Variants in TRANK1 observed in about 807,000 individuals in gnomAD.
TRANK1 encodes TPR and ankyrin repeat-containing protein 1.
Under a neutral mutation model 266.0 loss-of-function variants are expected in TRANK1, and 198 were observed. That is an observed-to-expected ratio of 0.74 (90% CI 0.66 to 0.84). TRANK1 has a LOEUF of 0.84. Ranked by LOEUF, TRANK1 falls within the 40% of genes least tolerant of loss-of-function variation. TRANK1 has a pLI of 0.00. For synonymous variants in TRANK1, 1,396 were observed against 1,384.1 expected (o/e 1.01, Z -0.19); for missense variants, 3,326 against 3,634.6 (o/e 0.92, Z 2.18).
At position 36,904,537 on chromosome 3, in the gene TRANK1, A is replaced by G. The variant is rs1369898373; in HGVS notation, c.156-1262T>C. Among the ~76,000 whole-genome samples the G allele has an allele frequency of 2.0e-5, 3 of 150,544 alleles. No individual in the cohort carries two copies. The East Asian group carries it at 6.0e-4, about 30-fold the overall frequency. ...CCGTCTCAAAAAAAGAAAAAAAAAA[A>G]TCTTAATCGTAAAAATAATACAAAT... On this transcript the variant is annotated intron_variant, in intron 2 of 23. Transcript: ENST00000645898.
chr3:36,889,033 G>A (rs1433655852), intron 8 of TRANK1, among the ~76,000 whole-genome samples: 2 of 152,134 alleles, frequency 1.3e-5, no homozygotes, highest in African/African-American at 4.8e-5. Context: ...GCGACAGAGT[G>A]AGACTCCATC....
At chr3:36,922,553 C>T (rs189492753) in intron 1 of TRANK1, among the ~76,000 whole-genome samples, 397 of 152,054 alleles carry the variant, frequency 2.6e-3, no homozygotes, top group African/African-American at 3.9e-3. Context: ...TGCAGTGAGC[C>T]GAGATCATGC....
At chr3:36,836,976 A>G (rs2078778590) in intron 20 of TRANK1, among the ~76,000 whole-genome samples, 1 of 152,198 alleles carries the variant, frequency 6.6e-6, no homozygotes, top group African/African-American at 2.4e-5. Context: ...AACAAAGCCC[A>G]GTCCTTGCCA....
intron 18 of TRANK1, among the ~76,000 whole-genome samples, chr3:36,842,291 T>C (rs186785329): frequency 6.6e-6 from 1 of 152,330 alleles, no homozygotes; most frequent in East Asian, 1.9e-4. Context: ...AAATGCAGTA[T>C]GATGATAGCA....
rs2078690359 is a variant in TRANK1, at chr3:36,831,329, T to C, written c.8254A>G (p.Arg2752Gly). The stretch of plus-strand genomic sequence containing the variant: ...TTGAAGTTCCCAGCCCTGGGCTCCC[T>C]GGCCTCCTCCCTGACACGCTCCATC... ...TQMERVREEA[R>G]EPRAGNFKKA... The change falls in exon 22 of 24, where the codon AGG becomes GGG. Residue 2752 changes from arginine to glycine, a missense_variant. Arg to Gly is a moderately radical substitution (Grantham distance 125). Coordinates refer to ENST00000645898, the MANE Select transcript of TRANK1 (RefSeq NM_001329998.2). This position sits in a 1 kb window ranked among gnomAD's most constrained non-coding sequence, Gnocchi z 5.0. 1 of 1,613,540 alleles carries C rather than the reference T, an allele frequency of 6.2e-7. No individual in the cohort carries two copies. The highest frequency in any genetic ancestry group is 1.7e-5 in the Admixed American group (1 of 59,968).
chr3:36,850,580 G>A, intron 15 of TRANK1: 1 of 821,506 alleles, frequency 1.2e-6, no homozygotes, highest in Non-Finnish European at 1.5e-6. Context: ...ACCAGCCTGG[G>A]CAACACAGCA....
Position 36,944,869 on chromosome 3 carries a change from G to T in TRANK1, c.-60C>A. ...CCGCCTGGGGAAGCGCTTCCCTGTG[G>T]GCAGGGCGCGGCGGGCAGTGCGGAA... On this transcript the variant is annotated 5_prime_UTR_variant, in exon 1 of 24. Coordinates refer to ENST00000645898, the MANE Select transcript of TRANK1 (RefSeq NM_001329998.2). 1 of 1,392,098 alleles carries T rather than the reference G, an allele frequency of 7.2e-7. No individual in the cohort carries two copies. The highest frequency in any genetic ancestry group is 9.3e-7 in the Non-Finnish European group (1 of 1,076,778). The allele number at this position is 1,392,098 out of a possible 1,614,324, so 86.2% of individuals were successfully genotyped here.
intron 8 of TRANK1, among the ~76,000 whole-genome samples, chr3:36,882,126 G>C (rs1247927609): frequency 6.6e-6 from 1 of 152,120 alleles, no homozygotes; most frequent in East Asian, 1.9e-4. Context: ...TTGGTCTTCT[G>C]GTAACTGTTT....
chr3:36,863,926 T>C (rs1394180591), intron 10 of TRANK1, among the ~76,000 whole-genome samples: 1 of 152,266 alleles, frequency 6.6e-6, no homozygotes, highest in Non-Finnish European at 1.5e-5. Flanking sequence ...ATTTTTGTCA[T>C]CTAAAGTTCT....
At chr3:36,911,695 T>C (rs1458422309) in intron 1 of TRANK1, among the ~76,000 whole-genome samples, 1 of 152,218 alleles carries the variant, frequency 6.6e-6, no homozygotes. Flanking sequence ...GAATGCTTTA[T>C]ATCTCTACAA....
At chr3:36,882,759 C>A (rs966191208) in intron 8 of TRANK1, among the ~76,000 whole-genome samples, 1 of 151,768 alleles carries the variant, frequency 6.6e-6, no homozygotes, top group Admixed American at 6.6e-5. Context: ...AGCTAATGAG[C>A]GAAGAATTCT....
chr3:36,908,891 A>G (rs184513347), intron 1 of TRANK1, among the ~76,000 whole-genome samples: 2 of 152,336 alleles, frequency 1.3e-5, no homozygotes, highest in Non-Finnish European at 2.9e-5. Flanking sequence ...AAATCTGCTG[A>G]TGGCATTTCC....
At position 36,831,132 on chromosome 3, in the gene TRANK1, A is replaced by C; in HGVS notation, c.8451T>G (p.Ser2817=). ...REECQERNSE[S]YEQHIHLEHH... ...GTTCTAGATGGATATGCTGCTCGTA[A>C]GACTCGCTGTTCCTCTCCTGACACT... The change falls in exon 22 of 24, where the codon TCT becomes TCG. Residue 2817 remains serine, a synonymous_variant. Coordinates refer to ENST00000645898, the MANE Select transcript of TRANK1 (RefSeq NM_001329998.2). This position sits in a 1 kb window ranked among gnomAD's most constrained non-coding sequence, Gnocchi z 5.0. 1 of 1,613,958 alleles carries C rather than the reference A, an allele frequency of 6.2e-7. No homozygotes were observed. Among genetic ancestry groups the C allele is most frequent in the Non-Finnish European group, 8.5e-7 (1 of 1,179,872 alleles).
intron 22 of TRANK1, among the ~76,000 whole-genome samples, chr3:36,830,247 G>A (rs758657478): frequency 5.3e-5 from 8 of 151,828 alleles, no homozygotes; most frequent in East Asian, 1.9e-4. Flanking sequence ...CCCAGGAAGC[G>A]GAGATTGCAG....
chr3:36,872,824 G>T (rs1477190477), intron 9 of TRANK1, among the ~76,000 whole-genome samples: 1 of 152,132 alleles, frequency 6.6e-6, no homozygotes, highest in African/African-American at 2.4e-5. Flanking sequence ...TAAGAAAACA[G>T]AATGCAAGGG....
At position 36,831,639 on chromosome 3, in the gene TRANK1, C is replaced by T. The variant is rs1039764733; in HGVS notation, c.7944G>A (p.Trp2648Ter). ...RDEEYLMDCD[W>*]RWDPVHTKGS... ...CTTTGGTGTGCACAGGGTCCCACCG[C>T]CAGTCACAGTCCATTAGGTACTCTT... Residue 2648 changes from tryptophan to a stop codon, truncating the protein, a stop_gained, in exon 22 of 24, where the codon TGG (tryptophan) becomes TGA (stop). Coordinates refer to ENST00000645898, the MANE Select transcript of TRANK1 (RefSeq NM_001329998.2). LOFTEE classifies it high-confidence loss of function. This position sits in a 1 kb window ranked among gnomAD's most constrained non-coding sequence, Gnocchi z 5.0. 1.9e-6 allele frequency: 3 copies of T among 1,613,940 alleles called. No homozygotes were observed. The highest frequency in any genetic ancestry group is 1.7e-6 in the Non-Finnish European group (2 of 1,179,856).
rs1427032723 is a variant in TRANK1 at position 36,944,952 on chromosome 3, G to A, written c.-143C>T. ...GGCGCGATGCAGAGGCGGCGTTCGGGGGCCCCCAGCTGCCTGCGGCTCGGC... is the reference window on the plus strand; with the variant it reads ...GGCGCGATGCAGAGGCGGCGTTCGGAGGCCCCCAGCTGCCTGCGGCTCGGC... On this transcript the variant is annotated 5_prime_UTR_variant, in exon 1 of 24. Coordinates refer to ENST00000645898, the MANE Select transcript of TRANK1 (RefSeq NM_001329998.2). 4 of 879,578 alleles carry A rather than the reference G, an allele frequency of 4.5e-6. No individual in the cohort carries two copies. Among genetic ancestry groups the A allele is most frequent in the Non-Finnish European group, 6.3e-6 (4 of 638,824 alleles). The allele number at this position is 879,578 out of a possible 1,614,324, so 54.5% of individuals were successfully genotyped here.
intron 8 of TRANK1, among the ~76,000 whole-genome samples, chr3:36,879,647 TATATATAAATATATAAATATATATAA>T (rs1559448179): frequency 1.3e-4 from 9 of 70,824 alleles, no homozygotes; most frequent in Admixed American, 4.6e-4. Context: ...AATATACAAA[TATATATAAATATATAAATATATATAA>T]ATATATAAAT....
At position 36,899,201 on chromosome 3, in the gene TRANK1, C is replaced by T. The variant is rs773200384; in HGVS notation, c.341G>A (p.Arg114His). 165 of 1,537,268 alleles carry T rather than the reference C, an allele frequency of 1.1e-4. No homozygotes were observed. Among genetic ancestry groups the T allele is most frequent in the African/African-American group, 4.0e-4 (29 of 73,164 alleles). ...LRLHQPYEAARMFFEGLRLVQ... is the reference protein window; with the variant it reads ...LRLHQPYEAAHMFFEGLRLVQ... ...AAGTCGCAGACCCTCAAAAAACATGCGAGCGGCTTCGTAAGGCTGGTGCAA... is the reference window on the plus strand; with the variant it reads ...AAGTCGCAGACCCTCAAAAAACATGTGAGCGGCTTCGTAAGGCTGGTGCAA... The change falls in exon 4 of 24, where the codon CGC (arginine) becomes CAC (histidine). Residue 114 changes from arginine to histidine, a missense_variant. Coordinates refer to ENST00000645898, the MANE Select transcript of TRANK1 (RefSeq NM_001329998.2).
Sources: allele counts gnomAD v4.1 joint callset (sites outside exome capture counted in the v4.1 genomes callset), GRCh38; gene constraint gnomAD v4.1.1; non-coding constraint Gnocchi (gnomAD v3.1); transcripts MANE v1.5; gene names NCBI Gene and HGNC (gene_info 2026-07-23, HGNC 2026-07-21).